Variants in LRPPRC observed in about 807,000 individuals in gnomAD.
LRPPRC encodes leucine rich pentatricopeptide repeat containing.
A neutral mutation model predicts 180.3 loss-of-function variants in LRPPRC; 120 were observed. That is an observed-to-expected ratio of 0.67 (90% CI 0.57 to 0.77). The LOEUF (loss-of-function observed/expected upper bound fraction) is 0.77. Among genes scored for constraint, LRPPRC ranks in the 30% least tolerant of loss-of-function variants. LRPPRC has a pLI of 0.00. For missense variants in LRPPRC, 2,012 were observed against 1,657.2 expected (o/e 1.21, Z -3.72); for synonymous variants, 723 against 600.0 (o/e 1.21, Z -3.00).
rs919172187 is a variant in LRPPRC, at chr2:43,962,012, T to C, written c.1489-1378A>G. Among the ~76,000 whole-genome samples the C allele has an allele frequency of 3.9e-5, 6 of 152,182 alleles. 1 individual carries two copies. The highest frequency in any genetic ancestry group is 1.4e-4 in the African/African-American group (6 of 41,446). On this transcript the variant is annotated intron_variant, in intron 12 of 37. Coordinates refer to ENST00000260665, the MANE Select transcript of LRPPRC (RefSeq NM_133259.4). ...CAATACTGTGAGTTCTATTAAGCAC[T>C]TAACAGAGTAGTTGTTTTCAATCCC...
At chr2:43,913,321 C>G (rs1197595646) in intron 29 of LRPPRC, among the ~76,000 whole-genome samples, 1 of 152,188 alleles carries the variant, frequency 6.6e-6, no homozygotes, top group East Asian at 1.9e-4. Context: ...AAACTACAAT[C>G]TACTCCCTTC....
intron 29 of LRPPRC, among the ~76,000 whole-genome samples, chr2:43,913,050 G>C (rs1402178520): frequency 6.6e-6 from 1 of 152,154 alleles, no homozygotes; most frequent in Non-Finnish European, 1.5e-5. Context: ...GCACTAAAGA[G>C]AATATAGCCT....
intron 24 of LRPPRC, 86 bp downstream of exon 24, chr2:43,934,668 C>T: frequency 8.4e-7 from 1 of 1,197,122 alleles, no homozygotes; most frequent in Non-Finnish European, 1.2e-6. Flanking sequence ...TGCTGGCCTT[C>T]TGCTGGTTTC....
At chr2:43,976,460 A>T (rs1674060561) in intron 5 of LRPPRC, among the ~76,000 whole-genome samples, 1 of 152,164 alleles carries the variant, frequency 6.6e-6, no homozygotes, top group Non-Finnish European at 1.5e-5. Context: ...CTAGATTTTT[A>T]AAAATCTGAT....
At chr2:43,984,343 T>C (rs1329163575) in intron 1 of LRPPRC, among the ~76,000 whole-genome samples, 2 of 152,234 alleles carry the variant, frequency 1.3e-5, no homozygotes, top group African/African-American at 4.8e-5. Context: ...AGAGCAAAAA[T>C]AAAACTTCCG....
In LRPPRC at chr2:43,934,170, C is replaced by T. The variant is rs768451358; in HGVS notation, c.2736+20G>A. 2 of 1,331,636 alleles carry T rather than the reference C, an allele frequency of 1.5e-6. No individual in the cohort carries two copies. The highest frequency in any genetic ancestry group is 2.2e-6 in the Non-Finnish European group (2 of 923,582). The allele number at this position is 1,331,636 out of a possible 1,614,324, so 82.5% of individuals were successfully genotyped here. ...AGTCTAAATAGCTCTACAATTAGAA[C>T]ACTGTAGTTAAAATCACACCTCAAT... On this transcript the variant is annotated intron_variant, in intron 25 of 37. Transcript: ENST00000260665.
rs78202956 is a variant in LRPPRC at position 43,938,436 on chromosome 2, T to C, written c.2505-3558A>G. 6.8e-3 allele frequency among the ~76,000 whole-genome samples: 1,033 copies of C among 152,248 alleles called. 10 individuals are homozygous for C. The highest frequency in any genetic ancestry group is 0.023 in the African/African-American group (962 of 41,568). On this transcript the variant is annotated intron_variant, in intron 23 of 37. Transcript: ENST00000260665. ...AGATAGGCTGGGTCCAGCAAGAAAT[T>C]TGGAAACTTAAAATAGAGTTAAATT...
At chr2:43,961,048 A>G (rs866179109) in intron 12 of LRPPRC, among the ~76,000 whole-genome samples, 1 of 152,230 alleles carries the variant, frequency 6.6e-6, no homozygotes, top group African/African-American at 2.4e-5. Context: ...ATTTAAATAT[A>G]TGAGTCAAAA....
chr2:43,887,934 A>G lies in LRPPRC; in HGVS notation c.*666T>C, dbSNP rs902695034. 1 of 152,810 alleles carries G rather than the reference A, an allele frequency of 6.5e-6. No homozygotes were observed. Among genetic ancestry groups the G allele is most frequent in the African/African-American group, 2.4e-5 (1 of 41,458 alleles). 9.5% of individuals were successfully genotyped at this position (152,810 alleles called of 1,614,324 possible). A position where few individuals can be genotyped will look rare whatever the true frequency, so the allele number is the denominator to read the frequency against. On this transcript the variant is annotated 3_prime_UTR_variant, in exon 38 of 38. Transcript: ENST00000260665. ...TCTACTTCGGGATAAGTCATGACCG[A>G]GACTCAATTTCAGAGACGCTCTATG...
intron 1 of LRPPRC, among the ~76,000 whole-genome samples, chr2:43,983,175 T>G (rs1011529716): frequency 2.6e-5 from 4 of 152,190 alleles, no homozygotes; most frequent in African/African-American, 7.2e-5. Flanking sequence ...ATGGTCAGAA[T>G]AGTACATTAT....
intron 23 of LRPPRC, among the ~76,000 whole-genome samples, chr2:43,941,017 T>G (rs2105072141): frequency 6.6e-6 from 1 of 152,320 alleles, no homozygotes; most frequent in East Asian, 1.9e-4. Flanking sequence ...TTTTTTCCAT[T>G]CAATGCAAGT....
At chr2:43,916,769 C>T (rs191668641) in intron 29 of LRPPRC, among the ~76,000 whole-genome samples, 16 of 151,748 alleles carry the variant, frequency 1.1e-4, no homozygotes, top group Admixed American at 5.3e-4. Flanking sequence ...GCCCGGGCAA[C>T]ATAGCGAGAC....
At chr2:43,921,669 G>T (rs911960012) in intron 27 of LRPPRC, among the ~76,000 whole-genome samples, 2 of 152,146 alleles carry the variant, frequency 1.3e-5, no homozygotes, top group African/African-American at 4.8e-5. Context: ...TTAGGGGGTG[G>T]TGGTGGACAC....
rs886056064 is a variant in LRPPRC, at chr2:43,995,852, G to A, written c.96C>T (p.Gly32=). ...GCAGATAGGAGGCGGCATGCAGCCGGCCCGGGCCGCCAGGGAGGAGGCGCA... is the reference window on the plus strand; with the variant it reads ...GCAGATAGGAGGCGGCATGCAGCCGACCCGGGCCGCCAGGGAGGAGGCGCA... The part of the protein sequence containing the change: ...LSLRLLPGGP[G]RLHAASYLPA... Residue 32 remains glycine (G), a synonymous_variant, in exon 1 of 38, where the codon GGC becomes GGT. Coordinates refer to ENST00000260665, the MANE Select transcript of LRPPRC (RefSeq NM_133259.4). 1.8e-5 allele frequency: 26 copies of A among 1,481,918 alleles called. No homozygotes were observed. Among genetic ancestry groups the A allele is most frequent in the Middle Eastern group, 2.4e-4 (1 of 4,208 alleles). 91.8% of individuals were successfully genotyped at this position (1,481,918 alleles called of 1,614,324 possible).
chr2:43,989,114 C>T (rs1016591028), intron 1 of LRPPRC, among the ~76,000 whole-genome samples: 35 of 152,308 alleles, frequency 2.3e-4, no homozygotes, highest in African/African-American at 7.7e-4. Context: ...TTCAAGTGAT[C>T]TTCCTGCCTC....
At chr2:43,972,961 C>T (rs749911040) in intron 11 of LRPPRC, among the ~76,000 whole-genome samples, 3 of 152,040 alleles carry the variant, frequency 2.0e-5, no homozygotes, top group South Asian at 2.1e-4. Context: ...TAATGCAAAC[C>T]GAAGAATTAG....
intron 25 of LRPPRC, among the ~76,000 whole-genome samples, chr2:43,926,443 C>T (rs1400445077): frequency 6.6e-6 from 1 of 152,138 alleles, no homozygotes; most frequent in Non-Finnish European, 1.5e-5. Flanking sequence ...TCTTGGCTCA[C>T]TGCAACCTCC....
rs1670698120 is a variant in LRPPRC, at chr2:43,896,667, C to G, written c.3867G>C (p.Leu1289Phe). 6.2e-7 allele frequency: 1 copy of G among 1,612,482 alleles called. No homozygotes were observed. Among genetic ancestry groups the G allele is most frequent in the Non-Finnish European group, 8.5e-7 (1 of 1,178,756 alleles). Residue 1289 changes from leucine (L) to phenylalanine (F), a missense_variant, in exon 35 of 38, where the codon TTG (leucine) becomes TTC (phenylalanine). By Grantham distance (22) the Leu-to-Phe change is conservative (BLOSUM62 0). Transcript: ENST00000260665. Reference sequence around the variant, plus strand: ...GTTTCCTAGAATTCCTAAGGAGGAACAACAACAAAATCGGGGTTTGTTCAG... The same window carrying G: ...GTTTCCTAGAATTCCTAAGGAGGAAGAACAACAAAATCGGGGTTTGTTCAG... ...AIAEQTPILLLFLLRNSRKQG... is the reference protein window; with the variant it reads ...AIAEQTPILLFFLLRNSRKQG...
chr2:43,987,283 C>A (rs1674568577), intron 1 of LRPPRC, among the ~76,000 whole-genome samples: 1 of 151,936 alleles, frequency 6.6e-6, no homozygotes. Flanking sequence ...ATCACGAGGT[C>A]AGGAGATTGA....
Sources: allele counts gnomAD v4.1 joint callset (sites outside exome capture counted in the v4.1 genomes callset), GRCh38; gene constraint gnomAD v4.1.1; transcripts MANE v1.5; gene names NCBI Gene and HGNC (gene_info 2026-07-23, HGNC 2026-07-21).